Variants in ARL15 observed in about 807,000 individuals in gnomAD.
ARL15 encodes ARF like GTPase 15, also known as ADP-ribosylation factor-like protein 15.
Under a neutral mutation model 25.2 loss-of-function variants are expected in ARL15, and 19 were observed. That is an observed-to-expected ratio of 0.75 (90% CI 0.53 to 1.10). The LOEUF is 1.10. Ranked by LOEUF, ARL15 falls within the 50% of genes least tolerant of loss-of-function variation. ARL15 has a pLI of 0.00. For synonymous variants in ARL15, 94 were observed against 86.8 expected (o/e 1.08, Z -0.46); for missense variants, 220 against 246.0 (o/e 0.89, Z 0.71).
chr5:54,012,485 T>C (rs987221349), intron 4 of ARL15, among the ~76,000 whole-genome samples: 4 of 152,106 alleles, frequency 2.6e-5, no homozygotes, highest in Admixed American at 6.5e-5. Context: ...ACCCAGGCTA[T>C]GCAAGTTGAA....
chr5:54,071,123 T>A (rs1751404230), intron 4 of ARL15, among the ~76,000 whole-genome samples: 1 of 151,890 alleles, frequency 6.6e-6, no homozygotes, highest in Non-Finnish European at 1.5e-5. Flanking sequence ...TGAGCCATGT[T>A]CGTGCCGCTG....
chr5:54,264,071 G>A (rs764829106), intron 1 of ARL15, among the ~76,000 whole-genome samples: 7 of 151,982 alleles, frequency 4.6e-5, no homozygotes, highest in Admixed American at 2.0e-4. Flanking sequence ...TTCATTCCCT[G>A]TACCATTAGG....
At position 54,166,725 on chromosome 5, in the gene ARL15, CA is replaced by C. The variant is rs149633306; in HGVS notation, c.193+5058del. Among the ~76,000 whole-genome samples, 796 of 152,176 alleles carry C rather than the reference CA, an allele frequency of 5.2e-3. 42 individuals carry two copies. The East Asian group carries it at 0.12, about 22-fold the overall frequency. ...TTCTCTCTCAGATTGTCTCTATGAA[CA>C]GATACAATACAGTGATAATAACAGT... is the stretch of plus-strand genomic sequence containing the variant. On this transcript the variant is annotated intron_variant, in intron 2 of 4. Coordinates refer to ENST00000504924, the MANE Select transcript of ARL15 (RefSeq NM_019087.3).
At chr5:53,925,109 TC>T (rs1745976120) in intron 4 of ARL15, among the ~76,000 whole-genome samples, 1 of 152,086 alleles carries the variant, frequency 6.6e-6, no homozygotes, top group Non-Finnish European at 1.5e-5. Flanking sequence ...TGCAGACACT[TC>T]AACTTTTTTC....
At chr5:54,119,044 T>C (rs1176137584) in intron 3 of ARL15, among the ~76,000 whole-genome samples, 3 of 152,312 alleles carry the variant, frequency 2.0e-5, no homozygotes, top group Admixed American at 1.3e-4. Flanking sequence ...GTCTGCATTC[T>C]GACATTGGCC....
rs187745923 is a variant in ARL15, at chr5:54,130,303, T to C, written c.254-16893A>G. Among the ~76,000 whole-genome samples the C allele has an allele frequency of 1.6e-3, 248 of 152,342 alleles. 2 individuals carry two copies. The highest frequency in any genetic ancestry group is 8.1e-3 in the Admixed American group (124 of 15,308). On this transcript the variant is annotated intron_variant, in intron 3 of 4. Coordinates refer to ENST00000504924, the MANE Select transcript of ARL15 (RefSeq NM_019087.3). ...ATATATTTTTACATTCTTAATTTTA[T>C]TGGTTAACTGTCAAGAGAGATTTAA... is the stretch of plus-strand genomic sequence containing the variant.
intron 1 of ARL15, among the ~76,000 whole-genome samples, chr5:54,229,357 T>C (rs1756606687): frequency 6.6e-6 from 1 of 152,194 alleles, no homozygotes; most frequent in Non-Finnish European, 1.5e-5. Context: ...TGAATGTGCC[T>C]GCCCCCTGGT....
At chr5:53,920,895 C>G (rs1426752643) in intron 4 of ARL15, among the ~76,000 whole-genome samples, 1 of 152,114 alleles carries the variant, frequency 6.6e-6, no homozygotes, top group South Asian at 2.1e-4. Context: ...CTGGCTCAAA[C>G]TAAACTTTTG....
At chr5:54,060,054 G>C (rs1355201566) in intron 4 of ARL15, among the ~76,000 whole-genome samples, 1 of 148,592 alleles carries the variant, frequency 6.7e-6, no homozygotes, top group Non-Finnish European at 1.5e-5. Flanking sequence ...CCAGTGGAAG[G>C]TGACTGAATT....
intron 1 of ARL15, among the ~76,000 whole-genome samples, chr5:54,188,747 T>A (rs1755311171): frequency 6.6e-6 from 1 of 152,138 alleles, no homozygotes; most frequent in Admixed American, 6.6e-5. Context: ...AAGACCTCAT[T>A]GTCACATAAT....
chr5:54,258,166 T>TATAAA (rs1384048806), intron 1 of ARL15, among the ~76,000 whole-genome samples: 1 of 114,848 alleles, frequency 8.7e-6, no homozygotes, highest in African/African-American at 4.7e-5. Context: ...ACTTTGTTTC[T>TATAAA]ACAAAAAAAA....
chr5:54,079,280 A>C (rs1751714426), intron 4 of ARL15, among the ~76,000 whole-genome samples: 3 of 152,194 alleles, frequency 2.0e-5, no homozygotes, highest in Non-Finnish European at 4.4e-5. Context: ...CAAAGCATCC[A>C]GTTGTTGAAC....
At chr5:54,143,225 C>T (rs1002822113) in intron 3 of ARL15, among the ~76,000 whole-genome samples, 14 of 152,114 alleles carry the variant, frequency 9.2e-5, no homozygotes, top group South Asian at 6.2e-4. Flanking sequence ...AATTGTGGAT[C>T]GATCTGTTGA....
intron 1 of ARL15, among the ~76,000 whole-genome samples, chr5:54,204,160 T>A (rs1194317158): frequency 6.6e-6 from 1 of 152,218 alleles, no homozygotes; most frequent in African/African-American, 2.4e-5. Context: ...TGTCTGTGTT[T>A]GTAAAATGTT....
At chr5:54,095,826 C>A (rs1425069631) in intron 4 of ARL15, among the ~76,000 whole-genome samples, 7 of 149,236 alleles carry the variant, frequency 4.7e-5, no homozygotes, top group Non-Finnish European at 6.0e-5. Context: ...ATAAAAAAAA[C>A]ATCCAAAGAG....
intron 4 of ARL15, among the ~76,000 whole-genome samples, chr5:53,987,997 C>A (rs1664791): frequency 6.6e-6 from 1 of 151,886 alleles, no homozygotes; most frequent in African/African-American, 2.4e-5. Flanking sequence ...CAGCTAATCC[C>A]GAGGCTGAGG....
chr5:54,093,031 T>C (rs1053947611), intron 4 of ARL15, among the ~76,000 whole-genome samples: 1 of 152,164 alleles, frequency 6.6e-6, no homozygotes, highest in South Asian at 2.1e-4. Flanking sequence ...ACATATATAT[T>C]ATAGGCACAT....
intron 1 of ARL15, among the ~76,000 whole-genome samples, chr5:54,199,633 G>T (rs548053761): frequency 1.3e-5 from 2 of 151,478 alleles, no homozygotes; most frequent in Non-Finnish European, 1.5e-5. Context: ...TCATTAAAAA[G>T]TCAGGAAACA....
chr5:54,252,971 C>T (rs1186532421), intron 1 of ARL15, among the ~76,000 whole-genome samples: 7 of 152,004 alleles, frequency 4.6e-5, no homozygotes, highest in African/African-American at 1.4e-4. Flanking sequence ...GTGATCCACC[C>T]GCCTTAGCCT....
Sources: gnomAD v4.1 joint callset for allele counts (sites outside exome capture counted in the v4.1 genomes callset) on GRCh38, gnomAD v4.1.1 for gene constraint, MANE v1.5 for transcripts, NCBI Gene and HGNC (gene_info 2026-07-23, HGNC 2026-07-21) for gene names.